Variants in BANF1 observed in about 807,000 individuals in gnomAD.
BANF1 encodes barrier to autointegration nuclear assembly factor 1.
For missense variants in BANF1, 47 were observed against 110.4 expected (o/e 0.43, Z 2.57); for synonymous variants, 49 against 43.7 (o/e 1.12, Z -0.48).
intron 1 of BANF1, chr11:66,003,030 C>A: frequency 3.4e-6 from 2 of 586,752 alleles, no homozygotes; most frequent in Non-Finnish European, 6.1e-6. Context: ...GGGGCAAGAT[C>A]AAAATCCAGG....
intron 1 of BANF1, 142 bp from the exon 2 acceptor site, chr11:66,003,093 C>A: frequency 1.2e-6 from 1 of 839,058 alleles, no homozygotes; most frequent in Non-Finnish European, 2.0e-6. Flanking sequence ...CTCCCTGGAA[C>A]TGTTTTCTCC....
rs953240419 is a variant in BANF1, at chr11:66,003,724, C to G, written c.222C>G (p.Ser74=). ...CTTGTGGCGCCAACGCCAAGCAGTC[C>G]CGGGACTGCTTCGGATGCCTTCGAG... ...KDTCGANAKQ[S]RDCFGCLREW... The change falls in exon 3 of 3, where the codon TCC becomes TCG. Residue 74 remains serine (S), a synonymous_variant. Transcript: ENST00000312175. 2 of 1,613,980 alleles carry G rather than the reference C, an allele frequency of 1.2e-6. No homozygotes were observed. The highest frequency in any genetic ancestry group is 1.7e-6 in the Non-Finnish European group (2 of 1,180,016).
At position 66,003,031 on chromosome 11, in the gene BANF1, A is replaced by G. The variant is rs1320691576; in HGVS notation, c.-16-204A>G. The stretch of plus-strand genomic sequence containing the variant: ...ATCGTTTTTCCTCTGGGGCAAGATC[A>G]AAATCCAGGTCCTGCAGGAAGAAAC... On this transcript the variant is annotated intron_variant, in intron 1 of 2. Transcript: ENST00000312175. The G allele has an allele frequency of 2.5e-5, 15 of 590,224 alleles. No homozygotes were observed. The East Asian group carries it at 4.7e-4, about 19-fold the overall frequency. The allele number at this position is 590,224 out of a possible 1,614,324, so 36.6% of individuals were successfully genotyped here. A position where few individuals can be genotyped will look rare whatever the true frequency, so the allele number is the denominator to read the frequency against.
chr11:66,003,195 G>T, intron 1 of BANF1, 40 bp from the exon 2 acceptor site: 1 of 1,609,012 alleles, frequency 6.2e-7, no homozygotes, highest in South Asian at 1.1e-5. Context: ...AGAAGTTCCA[G>T]GTCTTCAGCC....
At position 66,003,349 on chromosome 11, in the gene BANF1, G is replaced by A. The variant is rs1856053469; in HGVS notation, c.99G>A (p.Lys33=). The part of the protein sequence containing the change: ...LAGIGEVLGK[K]LEERGFDKAY... ...GGATTGGTGAAGTCCTGGGCAAGAAGCTGGAGGAAAGGGGTTTTGACAAGG... is the reference window on the plus strand; with the variant it reads ...GGATTGGTGAAGTCCTGGGCAAGAAACTGGAGGAAAGGGGTTTTGACAAGG... The change falls in exon 2 of 3, where the codon AAG becomes AAA. Residue 33 remains lysine, a synonymous_variant. Transcript: ENST00000312175. 6.8e-6 allele frequency: 11 copies of A among 1,613,740 alleles called. No individual in the cohort carries two copies. The highest frequency in any genetic ancestry group is 1.3e-5 in the African/African-American group (1 of 74,856).
rs984289822 is a variant in BANF1, at chr11:66,003,957, A to C, written c.*185A>C. The C allele has an allele frequency of 6.8e-6, 5 of 731,282 alleles. No individual in the cohort carries two copies. In the African/African-American group the frequency reaches 7.1e-5, roughly 10 times the overall value. The allele number at this position is 731,282 out of a possible 1,614,324, so 45.3% of individuals were successfully genotyped here. ...CTTTTTTTTGGATTCTCGCTCTTGC[A>C]TGCCTCCCCCGTCCTTTTTCCCTTG... is the stretch of plus-strand genomic sequence containing the variant. On this transcript the variant is annotated 3_prime_UTR_variant, in exon 3 of 3. Transcript: ENST00000312175.
intron 1 of BANF1, chr11:66,002,983 G>A: frequency 2.1e-6 from 1 of 472,762 alleles, no homozygotes; most frequent in South Asian, 2.1e-5. Flanking sequence ...CCACTGCCCC[G>A]CTTGCGCCAC....
intron 1 of BANF1, 95 bp from the exon 2 acceptor site, chr11:66,003,140 C>T: frequency 2.2e-6 from 3 of 1,372,500 alleles, no homozygotes; most frequent in Non-Finnish European, 1.0e-6. Flanking sequence ...CCACTGTAAC[C>T]CCTGGCTTGG....
chr11:66,003,135 GT>G, intron 1 of BANF1, 99 bp from the exon 2 acceptor site: 1 of 1,323,988 alleles, frequency 7.6e-7, no homozygotes, highest in African/African-American at 1.5e-5. Context: ...GCAAGCCACT[GT>G]AACCCCTGGC....
chr11:66,003,468 G>A, intron 2 of BANF1, 95 bp downstream of exon 2: 3 of 1,609,624 alleles, frequency 1.9e-6, no homozygotes, highest in Non-Finnish European at 2.5e-6. Flanking sequence ...AATCTGAAGA[G>A]GCTGCCAGAG....
chr11:66,003,603 C>T (rs770200889), intron 2 of BANF1, 23 bp from the exon 3 acceptor site: 2 of 1,613,942 alleles, frequency 1.2e-6, no homozygotes, highest in Non-Finnish European at 1.7e-6. Flanking sequence ...GCAGCACGCT[C>T]CTTCCTTTTC....
At position 66,003,946 on chromosome 11, in the gene BANF1, C is replaced by T. The variant is rs1292789949; in HGVS notation, c.*174C>T. 6.0e-6 allele frequency: 5 copies of T among 837,982 alleles called. No individual in the cohort carries two copies. Among genetic ancestry groups the T allele is most frequent in the African/African-American group, 5.1e-5 (3 of 58,382 alleles). 51.9% of individuals were successfully genotyped at this position (837,982 alleles called of 1,614,324 possible). On this transcript the variant is annotated 3_prime_UTR_variant, in exon 3 of 3. Transcript: ENST00000312175. ...AACCATTTCAACTTTTTTTTGGATT[C>T]TCGCTCTTGCATGCCTCCCCCGTCC...
chr11:66,004,073 A>G lies in BANF1; in HGVS notation c.*301A>G, dbSNP rs1011992484. On this transcript the variant is annotated 3_prime_UTR_variant, in exon 3 of 3. Transcript: ENST00000312175. ...CCTCACTTTCAATCCGTTTGATACC[A>G]TTTGGCTCCTTTTTTGGCAGAACAG... 1.4e-5 allele frequency: 6 copies of G among 416,150 alleles called. No individual in the cohort carries two copies. The highest frequency in any genetic ancestry group is 2.3e-5 in the Non-Finnish European group (5 of 221,574). 25.8% of individuals were successfully genotyped at this position (416,150 alleles called of 1,614,324 possible). A position where few individuals can be genotyped will look rare whatever the true frequency, so the allele number is the denominator to read the frequency against.
chr11:66,003,083 C>A, intron 1 of BANF1, 152 bp from the exon 2 acceptor site: 2 of 775,880 alleles, frequency 2.6e-6, no homozygotes, highest in South Asian at 1.5e-5. Flanking sequence ...AGGGAAGAGT[C>A]TCCCTGGAAC....
intron 1 of BANF1, 141 bp from the exon 2 acceptor site, chr11:66,003,094 T>C: frequency 1.2e-6 from 1 of 844,428 alleles, no homozygotes; most frequent in Non-Finnish European, 2.0e-6. Flanking sequence ...TCCCTGGAAC[T>C]GTTTTCTCCT....
chr11:66,003,940 T>A lies in BANF1; in HGVS notation c.*168T>A. On this transcript the variant is annotated 3_prime_UTR_variant, in exon 3 of 3. Transcript: ENST00000312175. The stretch of plus-strand genomic sequence containing the variant: ...TCCCCTAACCATTTCAACTTTTTTT[T>A]GGATTCTCGCTCTTGCATGCCTCCC... 5.4e-6 allele frequency: 5 copies of A among 923,632 alleles called. No individual in the cohort carries two copies. In the East Asian group the frequency reaches 1.1e-4, roughly 20 times the overall value. The allele number at this position is 923,632 out of a possible 1,614,324, so 57.2% of individuals were successfully genotyped here. A position where few individuals can be genotyped will look rare whatever the true frequency, so the allele number is the denominator to read the frequency against.
At chr11:66,003,024 C>T (rs569020625) in intron 1 of BANF1, 8 of 567,930 alleles carry the variant, frequency 1.4e-5, no homozygotes, top group Admixed American at 8.8e-5. Flanking sequence ...TCCTCTGGGG[C>T]AAGATCAAAA....
chr11:66,003,571 C>G (rs1856062790), intron 2 of BANF1, 55 bp from the exon 3 acceptor site: 1 of 1,588,438 alleles, frequency 6.3e-7, no homozygotes, highest in Admixed American at 1.8e-5. Context: ...CTGTCTTGCT[C>G]TTATCTCTCA....
At chr11:66,003,475 A>G (rs1856058936) in intron 2 of BANF1, 102 bp downstream of exon 2, 1 of 1,608,400 alleles carries the variant, frequency 6.2e-7, no homozygotes, top group African/African-American at 1.3e-5. Context: ...AGAGGCTGCC[A>G]GAGCCTGGGC....
Sources: gnomAD v4.1 joint callset for allele counts on GRCh38, gnomAD v4.1.1 for gene constraint, MANE v1.5 for transcripts, NCBI Gene and HGNC (gene_info 2026-07-23, HGNC 2026-07-21) for gene names.